The following AKAP19 variants were observed in gnomAD, a reference collection of about 807,000 sequenced individuals.
AKAP19 encodes A-kinase anchoring protein 19.
chr2:190,006,493 A>G, the AKAP19 span, among the ~76,000 whole-genome samples: 1 of 151,772 alleles, frequency 6.6e-6, no homozygotes, highest in African/African-American at 2.4e-5. Flanking sequence ...TAAAAATACA[A>G]AAGAAAATTA....
chr2:189,995,976 A>T, the AKAP19 span, among the ~76,000 whole-genome samples: 1 of 152,162 alleles, frequency 6.6e-6, no homozygotes, highest in East Asian at 1.9e-4. Context: ...TGTTAATCTG[A>T]TAAATTTTCC....
chr2:189,957,300 A>C, the AKAP19 span, among the ~76,000 whole-genome samples: 2 of 152,214 alleles, frequency 1.3e-5, no homozygotes, highest in Non-Finnish European at 2.9e-5. Context: ...GTTACATAGA[A>C]ATTTTCTATG....
At chr2:189,938,623 A>C in the AKAP19 span, among the ~76,000 whole-genome samples, 1 of 152,170 alleles carries the variant, frequency 6.6e-6, no homozygotes, top group Non-Finnish European at 1.5e-5. Flanking sequence ...AAATATTTAG[A>C]ATGAATGAAT....
the AKAP19 span, among the ~76,000 whole-genome samples, chr2:190,138,782 TATC>T: frequency 1.3e-5 from 2 of 152,222 alleles, no homozygotes; most frequent in African/African-American, 4.8e-5. Flanking sequence ...GATAGGTTTT[TATC>T]ATCTTTAGCT....
chr2:189,903,147 T>A, the AKAP19 span, among the ~76,000 whole-genome samples: 1 of 152,066 alleles, frequency 6.6e-6, no homozygotes, highest in South Asian at 2.1e-4. Context: ...GATAGCTATA[T>A]ACCTTATATA....
chr2:190,057,034 C>T, the AKAP19 span: 5 of 534,958 alleles, frequency 9.3e-6, no homozygotes, highest in Non-Finnish European at 1.6e-5. Context: ...CCTTCTAGCT[C>T]AAAAACTCTG....
the AKAP19 span, among the ~76,000 whole-genome samples, chr2:190,064,962 C>G: frequency 6.6e-6 from 1 of 152,098 alleles, no homozygotes; most frequent in Non-Finnish European, 1.5e-5. Context: ...ACTCAATATT[C>G]CTAGCATTTT....
chr2:190,157,393 C>CACACACACACACACACACATAT, the AKAP19 span, among the ~76,000 whole-genome samples: 1 of 149,236 alleles, frequency 6.7e-6, no homozygotes, highest in African/African-American at 2.5e-5. Flanking sequence ...CACACACACA[C>CACACACACACACACACACATAT]ATATCACAGG....
At chr2:190,079,421 C>T in the AKAP19 span, 1 of 152,256 alleles carries the variant, frequency 6.6e-6, no homozygotes, top group Non-Finnish European at 1.5e-5. Context: ...TTTTAGCTGG[C>T]AATGAATTTG....
chr2:189,947,400 A>G, the AKAP19 span, among the ~76,000 whole-genome samples: 4 of 152,156 alleles, frequency 2.6e-5, no homozygotes, highest in African/African-American at 7.2e-5. Context: ...CATTTTTATA[A>G]GTATACAATT....
At chr2:190,180,619 C>T in the AKAP19 span, 1 of 985,758 alleles carries the variant, frequency 1.0e-6, no homozygotes, top group Non-Finnish European at 1.2e-6. This position sits in a 1 kb window ranked among gnomAD's most constrained non-coding sequence, Gnocchi z 6.8. Context: ...GGCTGGCAGC[C>T]CAGCTCCGCT....
At chr2:190,190,037 G>GC in the AKAP19 span, 1 of 152,152 alleles carries the variant, frequency 6.6e-6, no homozygotes, top group Admixed American at 6.5e-5. Flanking sequence ...GGATTTAGGT[G>GC]CCCCAGAATG....
the AKAP19 span, chr2:189,930,644 C>G: frequency 3.0e-6 from 1 of 338,136 alleles, no homozygotes; most frequent in South Asian, 3.7e-5. Context: ...CCACTGCACT[C>G]CAGCCTGGGT....
At chr2:190,106,468 T>G in the AKAP19 span, among the ~76,000 whole-genome samples, 2 of 152,180 alleles carry the variant, frequency 1.3e-5, no homozygotes, top group Non-Finnish European at 2.9e-5. Context: ...GCTTGTCCAC[T>G]GTTCGTTTGC....
chr2:189,994,249 T>C, the AKAP19 span, among the ~76,000 whole-genome samples: 1 of 152,072 alleles, frequency 6.6e-6, no homozygotes, highest in Non-Finnish European at 1.5e-5. Flanking sequence ...TGAACTCAGG[T>C]GATCCACCTC....
At chr2:190,080,181 A>G in the AKAP19 span, among the ~76,000 whole-genome samples, 1 of 152,164 alleles carries the variant, frequency 6.6e-6, no homozygotes, top group Non-Finnish European at 1.5e-5. Flanking sequence ...GTCTAGAAGG[A>G]TGTAGTTTTT....
the AKAP19 span, among the ~76,000 whole-genome samples, chr2:189,920,311 C>A: frequency 6.6e-6 from 1 of 152,300 alleles, no homozygotes; most frequent in African/African-American, 2.4e-5. Flanking sequence ...CAATATGTAA[C>A]TTCCATCTCA....
chr2:190,035,895 T>C, the AKAP19 span, among the ~76,000 whole-genome samples: 1 of 152,172 alleles, frequency 6.6e-6, no homozygotes, highest in African/African-American at 2.4e-5. Context: ...GATTTTATTG[T>C]GGATGTATGT....
the AKAP19 span, among the ~76,000 whole-genome samples, chr2:190,049,930 A>G: frequency 1.3e-5 from 2 of 152,268 alleles, no homozygotes; most frequent in South Asian, 4.1e-4. Context: ...GTTATTTCCA[A>G]CCTTAAAAAT....
Sources: gnomAD v4.1 joint callset for allele counts (sites outside exome capture counted in the v4.1 genomes callset) on GRCh38, gnomAD v4.1.1 for gene constraint, Gnocchi (gnomAD v3.1) non-coding constraint, MANE v1.5 for transcripts, NCBI Gene and HGNC (gene_info 2026-07-23, HGNC 2026-07-21) for gene names.